Variants in TMEM163 observed in about 807,000 individuals in gnomAD.
TMEM163 encodes the protein transmembrane protein 163.
In TMEM163, 17 loss-of-function variants were observed where a neutral mutation model predicts 29.3. That is an observed-to-expected ratio of 0.58 (90% CI 0.40 to 0.87). TMEM163 has a LOEUF of 0.87. TMEM163 is among the 40% of genes least tolerant of loss of function. The pLI is 0.00. For synonymous variants in TMEM163, 157 were observed against 160.6 expected (o/e 0.98, Z 0.17); for missense variants, 303 against 381.5 (o/e 0.79, Z 1.71).
At chr2:134,588,909 T>G (rs1055456158) in intron 2 of TMEM163, among the ~76,000 whole-genome samples, 1 of 152,066 alleles carries the variant, frequency 6.6e-6, no homozygotes, top group African/African-American at 2.4e-5. Context: ...GTAGAGTTCA[T>G]GAAGAGCAGC....
chr2:134,651,322 C>T (rs1406545158), intron 2 of TMEM163, among the ~76,000 whole-genome samples: 1 of 141,144 alleles, frequency 7.1e-6, no homozygotes, highest in Non-Finnish European at 1.5e-5. Context: ...TCATGTGTTT[C>T]TTGGCTGCAT....
rs920194679 is a variant in TMEM163, at chr2:134,462,078, C to T, written c.668-3905G>A. On this transcript the variant is annotated intron_variant, in intron 6 of 7. Coordinates refer to ENST00000281924, the MANE Select transcript of TMEM163 (RefSeq NM_030923.5). ...CTGCATGTTTTGCCGGCAACACACC[C>T]ACCTAGCAGGGGATCGAAGGGCCAC... 2.6e-5 allele frequency among the ~76,000 whole-genome samples: 4 copies of T among 152,214 alleles called. No homozygotes were observed. In the East Asian group the frequency reaches 5.8e-4, roughly 22 times the overall value.
At chr2:134,581,435 C>A (rs925984531) in intron 2 of TMEM163, among the ~76,000 whole-genome samples, 1 of 152,200 alleles carries the variant, frequency 6.6e-6, no homozygotes, top group South Asian at 2.1e-4. Flanking sequence ...ATCTAAAATT[C>A]TCCACTTTAC....
intron 2 of TMEM163, among the ~76,000 whole-genome samples, chr2:134,590,628 C>A (rs1479940944): frequency 1.3e-5 from 2 of 152,176 alleles, no homozygotes; most frequent in African/African-American, 2.4e-5. Flanking sequence ...AAAAGAATGG[C>A]TATTCCATAG....
At chr2:134,671,910 C>T (rs1684004373) in intron 2 of TMEM163, among the ~76,000 whole-genome samples, 1 of 152,196 alleles carries the variant, frequency 6.6e-6, no homozygotes, top group Non-Finnish European at 1.5e-5. Flanking sequence ...TATAGGGCTA[C>T]TGTGAGGATG....
intron 2 of TMEM163, among the ~76,000 whole-genome samples, chr2:134,685,366 G>A (rs1389181155): frequency 6.6e-6 from 1 of 152,198 alleles, no homozygotes; most frequent in African/African-American, 2.4e-5. Context: ...AAAGAGCTGT[G>A]AGTAGGTAGA....
chr2:134,641,301 A>C (rs563971527), intron 2 of TMEM163, among the ~76,000 whole-genome samples: 3 of 152,318 alleles, frequency 2.0e-5, no homozygotes, highest in Non-Finnish European at 4.4e-5. Flanking sequence ...GAAAAAATGG[A>C]CTCTGATTCC....
In TMEM163 at chr2:134,630,727, A is replaced by G. The variant is rs1002314895; in HGVS notation, c.323-78636T>C. On this transcript the variant is annotated intron_variant, in intron 2 of 7. Transcript: ENST00000281924. ...TCCCTACCCAGGTTGAGTTATCGCC[A>G]CATAGTTGCCATGGCAACCTTCCAT... is the stretch of plus-strand genomic sequence containing the variant. Among the ~76,000 whole-genome samples, 5 of 151,968 alleles carry G rather than the reference A, an allele frequency of 3.3e-5. 1 individual carries two copies. In the South Asian group the frequency reaches 6.3e-4, roughly 19 times the overall value.
rs544749706 is a variant in TMEM163, at chr2:134,702,101, C to T, written c.322+11099G>A. ...TCTGAAAGTTTAAAACTGGAATCCA[C>T]CAACAAAACAGTCCAACATGTCACC... On this transcript the variant is annotated intron_variant, in intron 2 of 7. Transcript: ENST00000281924. 2.0e-5 allele frequency among the ~76,000 whole-genome samples: 3 copies of T among 152,040 alleles called. No individual in the cohort carries two copies. The East Asian group carries it at 5.8e-4, about 29-fold the overall frequency.
chr2:134,472,863 T>G (rs1686834924), intron 5 of TMEM163, among the ~76,000 whole-genome samples: 1 of 152,226 alleles, frequency 6.6e-6, no homozygotes, highest in Admixed American at 6.5e-5. Context: ...ATTAAAAAAC[T>G]GAATTATACA....
At chr2:134,549,577 CAAGTG>C (rs1244061002) in intron 4 of TMEM163, among the ~76,000 whole-genome samples, 1 of 152,120 alleles carries the variant, frequency 6.6e-6, no homozygotes, top group African/African-American at 2.4e-5. Flanking sequence ...CTCCTGGCCT[CAAGTG>C]ATCCACCTGC....
At chr2:134,527,531 G>T (rs940909761) in intron 4 of TMEM163, among the ~76,000 whole-genome samples, 1 of 152,180 alleles carries the variant, frequency 6.6e-6, no homozygotes, top group African/African-American at 2.4e-5. Flanking sequence ...GGGAAGAGCA[G>T]CTGTGGCAGG....
chr2:134,494,451 C>T (rs796887362), intron 5 of TMEM163, among the ~76,000 whole-genome samples: 2 of 152,148 alleles, frequency 1.3e-5, no homozygotes, highest in African/African-American at 2.4e-5. Context: ...CTATTGCTGA[C>T]GGCGGATCTC....
At chr2:134,607,753 C>T (rs1386260493) in intron 2 of TMEM163, among the ~76,000 whole-genome samples, 2 of 70,694 alleles carry the variant, frequency 2.8e-5, no homozygotes, top group African/African-American at 1.1e-4. Flanking sequence ...ACCCCGAGAA[C>T]TGTGCTGGTG....
chr2:134,706,954 G>A (rs1230711685), intron 2 of TMEM163, among the ~76,000 whole-genome samples: 1 of 152,316 alleles, frequency 6.6e-6, no homozygotes, highest in Middle Eastern at 3.4e-3. Flanking sequence ...GGCAGGGAGA[G>A]TTGTCGGAGC....
intron 5 of TMEM163, among the ~76,000 whole-genome samples, chr2:134,484,918 G>A (rs1679277148): frequency 6.6e-6 from 1 of 152,174 alleles, no homozygotes; most frequent in South Asian, 2.1e-4. Flanking sequence ...TGTAGGGAGA[G>A]AGTTACTTTC....
intron 2 of TMEM163, among the ~76,000 whole-genome samples, chr2:134,573,018 T>G (rs1681468564): frequency 6.6e-6 from 1 of 152,208 alleles, no homozygotes; most frequent in South Asian, 2.1e-4. Flanking sequence ...GCTGCTGGAC[T>G]GGCTACCGAG....
intron 5 of TMEM163, among the ~76,000 whole-genome samples, chr2:134,497,265 C>T (rs986442661): frequency 6.6e-6 from 1 of 152,206 alleles, no homozygotes; most frequent in Admixed American, 6.5e-5. Flanking sequence ...TGCTATTTGA[C>T]TCTGAATCCC....
chr2:134,457,919 C>T lies in TMEM163; in HGVS notation c.809+113G>A, dbSNP rs1385314261. 3 of 1,526,094 alleles carry T rather than the reference C, an allele frequency of 2.0e-6. No individual in the cohort carries two copies. In the African/African-American group the frequency reaches 4.1e-5, roughly 21 times the overall value. 94.5% of individuals were successfully genotyped at this position (1,526,094 alleles called of 1,614,324 possible). A position where few individuals can be genotyped will look rare whatever the true frequency, so the allele number is the denominator to read the frequency against. On this transcript the variant is annotated intron_variant, in intron 7 of 7. Transcript: ENST00000281924. ...TGACACTGGTCAGGCTCAGGAGGGG[C>T]ACAGGTACAAAATATGACCTTCAGA... is the stretch of plus-strand genomic sequence containing the variant.
Sources: allele counts gnomAD v4.1 joint callset (sites outside exome capture counted in the v4.1 genomes callset), GRCh38; gene constraint gnomAD v4.1.1; transcripts MANE v1.5; gene names NCBI Gene and HGNC (gene_info 2026-07-23, HGNC 2026-07-21).